The following EEPD1 variants were observed in gnomAD, a reference collection of about 807,000 sequenced individuals.
EEPD1 encodes the protein endonuclease/exonuclease/phosphatase family domain-containing protein 1.
EEPD1 carries 17 observed loss-of-function variants against 46.3 expected under a neutral mutation model. That is an observed-to-expected ratio of 0.37 (90% CI 0.25 to 0.55). The LOEUF (loss-of-function observed/expected upper bound fraction) is 0.55. EEPD1 is among the 20% of genes least tolerant of loss of function. EEPD1 has a pLI of 0.83. For missense variants in EEPD1, 673 were observed against 745.6 expected (o/e 0.90, Z 1.13); for synonymous variants, 313 against 315.6 (o/e 0.99, Z 0.09).
chr7:36,239,801 T>C (rs1160195163), intron 3 of EEPD1, among the ~76,000 whole-genome samples: 1 of 152,116 alleles, frequency 6.6e-6, no homozygotes, highest in Non-Finnish European at 1.5e-5. Flanking sequence ...ATCAGGGGCC[T>C]CCCAGCTGAT....
At chr7:36,296,051 A>AAAAAAAAG (rs1787519639) in intron 6 of EEPD1, among the ~76,000 whole-genome samples, 1 of 151,424 alleles carries the variant, frequency 6.6e-6, no homozygotes, top group Non-Finnish European at 1.5e-5. Context: ...AAAAAAAAAA[A>AAAAAAAAG]AAAATGAGAT....
At chr7:36,210,618 C>T (rs916279584) in intron 2 of EEPD1, among the ~76,000 whole-genome samples, 1 of 152,138 alleles carries the variant, frequency 6.6e-6, no homozygotes, top group African/African-American at 2.4e-5. Context: ...GCCTGGCTGG[C>T]CTTTGACACC....
intron 2 of EEPD1, among the ~76,000 whole-genome samples, chr7:36,211,019 G>T (rs2115724840): frequency 6.6e-6 from 1 of 152,344 alleles, no homozygotes; most frequent in East Asian, 1.9e-4. Flanking sequence ...GGGAATAACA[G>T]TGTCTATGTC....
At chr7:36,272,214 A>C (rs911485173) in intron 3 of EEPD1, among the ~76,000 whole-genome samples, 5 of 152,148 alleles carry the variant, frequency 3.3e-5, no homozygotes, top group African/African-American at 1.2e-4. Context: ...AAAGCCGATG[A>C]AATTACTATG....
At chr7:36,216,359 T>TA (rs1410203613) in intron 2 of EEPD1, among the ~76,000 whole-genome samples, 1 of 152,212 alleles carries the variant, frequency 6.6e-6, no homozygotes. Context: ...CAATCGTCAG[T>TA]AAAATCTTCA....
intron 2 of EEPD1, among the ~76,000 whole-genome samples, chr7:36,194,133 G>A (rs1451956286): frequency 1.3e-5 from 2 of 152,168 alleles, no homozygotes; most frequent in African/African-American, 2.4e-5. Flanking sequence ...AGTTCCATGT[G>A]GTGAAGAGGA....
intron 2 of EEPD1, among the ~76,000 whole-genome samples, chr7:36,160,996 C>A (rs900588855): frequency 1.3e-5 from 2 of 152,156 alleles, no homozygotes; most frequent in African/African-American, 4.8e-5. Context: ...TCAGCCACAG[C>A]TGTGTCCTGG....
At chr7:36,298,459 T>C (rs1787560607) in intron 7 of EEPD1, among the ~76,000 whole-genome samples, 1 of 152,246 alleles carries the variant, frequency 6.6e-6, no homozygotes, top group African/African-American at 2.4e-5. Flanking sequence ...TAGTTGTTTT[T>C]GTAACTATTC....
chr7:36,231,527 GGTCCAT>G (rs1311167207), intron 2 of EEPD1, among the ~76,000 whole-genome samples: 2 of 152,104 alleles, frequency 1.3e-5, no homozygotes, highest in Non-Finnish European at 2.9e-5. Flanking sequence ...CGGATCTACT[GGTCCAT>G]GTTGGAACCC....
chr7:36,255,746 A>G (rs1217652253), intron 3 of EEPD1, among the ~76,000 whole-genome samples: 1 of 151,968 alleles, frequency 6.6e-6, no homozygotes, highest in Non-Finnish European at 1.5e-5. Context: ...CTAGTGGTCT[A>G]TCTATTTTGT....
chr7:36,298,895 CG>C, intron 7 of EEPD1, 111 bp from the exon 8 acceptor site: 1 of 1,284,282 alleles, frequency 7.8e-7, no homozygotes, highest in Non-Finnish European at 1.1e-6. Context: ...GCAGCCTCTC[CG>C]GGCACCCCGG....
chr7:36,282,003 T>A (rs1353689534), intron 4 of EEPD1, among the ~76,000 whole-genome samples: 1 of 152,268 alleles, frequency 6.6e-6, no homozygotes, highest in African/African-American at 2.4e-5. Flanking sequence ...GGATTAAAAG[T>A]GGCCATTTTT....
intron 2 of EEPD1, among the ~76,000 whole-genome samples, chr7:36,207,138 C>T (rs1240225976): frequency 6.6e-6 from 1 of 152,090 alleles, no homozygotes; most frequent in East Asian, 1.9e-4. Flanking sequence ...TGAGGGTCTG[C>T]CAGGTGCTAG....
chr7:36,207,888 G>GTTT (rs35062290), intron 2 of EEPD1, among the ~76,000 whole-genome samples: 3 of 122,164 alleles, frequency 2.5e-5, no homozygotes, highest in Non-Finnish European at 5.0e-5. Flanking sequence ...CAGTGCAGGA[G>GTTT]TTTTTTTTTT....
chr7:36,194,366 T>C (rs987448781), intron 2 of EEPD1, among the ~76,000 whole-genome samples: 1 of 152,150 alleles, frequency 6.6e-6, no homozygotes, highest in Non-Finnish European at 1.5e-5. Flanking sequence ...ATATTTGAGT[T>C]AGTGATTTTT....
intron 2 of EEPD1, among the ~76,000 whole-genome samples, chr7:36,173,265 G>T (rs1785121407): frequency 6.8e-6 from 1 of 147,230 alleles, no homozygotes; most frequent in Non-Finnish European, 1.5e-5. Flanking sequence ...AAGGGGGGCG[G>T]ATCACGAGGT....
chr7:36,213,489 AG>A (rs1190749920), intron 2 of EEPD1, among the ~76,000 whole-genome samples: 1 of 152,228 alleles, frequency 6.6e-6, no homozygotes, highest in Non-Finnish European at 1.5e-5. Flanking sequence ...AAGCAAAGCG[AG>A]GATTGGACAG....
chr7:36,255,904 T>C (rs1786821902), intron 3 of EEPD1, among the ~76,000 whole-genome samples: 2 of 152,232 alleles, frequency 1.3e-5, no homozygotes, highest in African/African-American at 4.8e-5. Flanking sequence ...TCTAGTTCTT[T>C]TAAATGTGAT....
rs1257471408 is a variant in EEPD1, at chr7:36,225,821, A to G, written c.879-13164A>G. Among the ~76,000 whole-genome samples the G allele has an allele frequency of 1.3e-5, 2 of 152,206 alleles. No homozygotes were observed. The highest frequency in any genetic ancestry group is 2.9e-5 in the Non-Finnish European group (2 of 68,038). On this transcript the variant is annotated intron_variant, in intron 2 of 7. Transcript: ENST00000242108. The surrounding 1 kb of genome is among the most constrained non-coding windows in gnomAD (Gnocchi z 4.2). The stretch of plus-strand genomic sequence containing the variant: ...TTGGGGGTTATGTAGCAACCCAAAC[A>G]ATTTTATGCTCAGCTGAGTTGCCTT...
Sources: gnomAD v4.1 joint callset for allele counts (sites outside exome capture counted in the v4.1 genomes callset) on GRCh38, gnomAD v4.1.1 for gene constraint, Gnocchi (gnomAD v3.1) non-coding constraint, MANE v1.5 for transcripts, NCBI Gene and HGNC (gene_info 2026-07-23, HGNC 2026-07-21) for gene names.